Variants in RASSF8 observed in about 807,000 individuals in gnomAD.
The protein encoded by RASSF8 is ras association domain-containing protein 8.
A neutral mutation model predicts 48.5 loss-of-function variants in RASSF8; 22 were observed. The ratio of observed to expected loss-of-function variants is 0.45; its 90% CI spans 0.32 to 0.65. The LOEUF (loss-of-function observed/expected upper bound fraction) is 0.65. RASSF8 is among the 30% of genes least tolerant of loss of function. The pLI, the probability that RASSF8 is intolerant of heterozygous loss-of-function variation, is 0.03. For synonymous variants in RASSF8, 127 were observed against 171.5 expected (o/e 0.74, Z 2.03); for missense variants, 418 against 489.2 (o/e 0.85, Z 1.37).
intron 2 of RASSF8, among the ~76,000 whole-genome samples, chr12:26,011,278 T>A (rs528983431): frequency 7.7e-6 from 1 of 130,380 alleles, no homozygotes; most frequent in Admixed American, 7.2e-5. Flanking sequence ...GAAATCCCCA[T>A]TGAAAATAGT....
intron 1 of RASSF8, among the ~76,000 whole-genome samples, chr12:25,986,125 A>G (rs16929830): frequency 0.066 from 9,995 of 152,128 alleles, 713 homozygotes; most frequent in East Asian, 0.27. Context: ...CCTCAGTCTT[A>G]AAGGGGTGAG....
rs1189595932 is a variant in RASSF8 at position 26,069,331 on chromosome 12, G to T, written c.*513G>T. On this transcript the variant is annotated 3_prime_UTR_variant, in exon 6 of 6. Transcript: ENST00000689635. The stretch of plus-strand genomic sequence containing the variant: ...ATTTACACTACACAAGTGTCCTAGG[G>T]TGCTCCACCATCGAAGCTAACTCCA... 4.1e-6 allele frequency: 4 copies of T among 984,504 alleles called. No individual in the cohort carries two copies. In the East Asian group the frequency reaches 3.4e-4, roughly 84 times the overall value. 61.0% of individuals were successfully genotyped at this position (984,504 alleles called of 1,614,324 possible).
chr12:26,018,518 T>A (rs16929910), intron 2 of RASSF8, among the ~76,000 whole-genome samples: 1 of 152,130 alleles, frequency 6.6e-6, no homozygotes, highest in Non-Finnish European at 1.5e-5. Flanking sequence ...TTAGTAACCA[T>A]AGAATGTGAT....
rs143105909 is a variant in RASSF8 at position 26,064,464 on chromosome 12, A to G, written c.104-34A>G. ...CCATTTTTTAACTATTACATATCCC[A>G]TTTTGACAAGTTATTCTTACCTTTT... On this transcript the variant is annotated intron_variant, in intron 3 of 5. Coordinates refer to ENST00000689635, the MANE Select transcript of RASSF8 (RefSeq NM_001394098.1). 2.5e-3 allele frequency: 3,772 copies of G among 1,492,370 alleles called. 88 individuals carry two copies. The African/African-American group carries it at 0.048, about 19-fold the overall frequency. The allele number at this position is 1,492,370 out of a possible 1,614,324, so 92.4% of individuals were successfully genotyped here. A position where few individuals can be genotyped will look rare whatever the true frequency, so the allele number is the denominator to read the frequency against.
intron 5 of RASSF8, 136 bp downstream of exon 5, chr12:26,067,849 T>G (rs535610501): frequency 8.5e-7 from 1 of 1,173,254 alleles, no homozygotes; most frequent in Admixed American, 2.4e-5. Context: ...TACTGCAGCC[T>G]CGACCTCCTG....
chr12:26,012,444 C>CT (rs1293923036), intron 2 of RASSF8, among the ~76,000 whole-genome samples: 3 of 152,208 alleles, frequency 2.0e-5, no homozygotes, highest in Middle Eastern at 3.4e-3. Context: ...ATTATTTAGC[C>CT]TTTTTTCAGT....
chr12:26,011,368 A>C (rs889087177), intron 2 of RASSF8, among the ~76,000 whole-genome samples: 9 of 152,168 alleles, frequency 5.9e-5, no homozygotes, highest in African/African-American at 2.2e-4. Flanking sequence ...GATTAGCCAG[A>C]TGCTTCCCAG....
At chr12:26,078,647 T>A (rs7304177) in intron 5 of RASSF8, among the ~76,000 whole-genome samples, 3,743 of 152,266 alleles carry the variant, frequency 0.025, 155 homozygotes, top group African/African-American at 0.085. Context: ...TCTTCCCAAA[T>A]TAAAATTAAA....
chr12:25,968,733 C>A (rs1391002172), intron 1 of RASSF8, among the ~76,000 whole-genome samples: 2 of 152,194 alleles, frequency 1.3e-5, no homozygotes, highest in Non-Finnish European at 2.9e-5. Flanking sequence ...ACACACAAAG[C>A]TCCTGTTTGC....
At chr12:25,974,441 T>G (rs1941557363) in intron 1 of RASSF8, among the ~76,000 whole-genome samples, 1 of 152,050 alleles carries the variant, frequency 6.6e-6, no homozygotes, top group African/African-American at 2.4e-5. Context: ...GATGGCTAGG[T>G]TTTTTGTTTA....
At chr12:26,008,455 A>G (rs1405813249) in intron 2 of RASSF8, among the ~76,000 whole-genome samples, 1 of 152,194 alleles carries the variant, frequency 6.6e-6, no homozygotes, top group Non-Finnish European at 1.5e-5. Context: ...AGTGGGAATT[A>G]TGTAAGGGAT....
intron 2 of RASSF8, chr12:26,053,137 G>A (rs547545923): frequency 2.6e-5 from 4 of 151,150 alleles, no homozygotes; most frequent in South Asian, 2.1e-4. Context: ...ACTGTATCAT[G>A]TACTTAAAAA....
chr12:26,075,572 A>G (rs1301057425), downstream of RASSF8, among the ~76,000 whole-genome samples: 2 of 152,178 alleles, frequency 1.3e-5, no homozygotes, highest in Non-Finnish European at 2.9e-5. Flanking sequence ...TTTATCTGCC[A>G]TGTGTTTGTG....
At chr12:25,978,508 G>A (rs1054238627) in intron 1 of RASSF8, among the ~76,000 whole-genome samples, 1 of 152,184 alleles carries the variant, frequency 6.6e-6, no homozygotes, top group African/African-American at 2.4e-5. Context: ...TTAGACAGAA[G>A]CATGTGCTTG....
At chr12:26,002,000 G>C (rs569831320) in intron 2 of RASSF8, among the ~76,000 whole-genome samples, 1 of 152,356 alleles carries the variant, frequency 6.6e-6, no homozygotes, top group African/African-American at 2.4e-5. Flanking sequence ...ACAATGCTAT[G>C]ATGGCTACGC....
In RASSF8 at chr12:26,065,031, A is replaced by G; in HGVS notation, c.637A>G (p.Ile213Val). The change falls in exon 4 of 6, where the codon ATC becomes GTC. Residue 213 changes from isoleucine to valine, a missense_variant. Coordinates refer to ENST00000689635, the MANE Select transcript of RASSF8 (RefSeq NM_001394098.1). Reference sequence around the variant, plus strand: ...GGAAATTGTCCGTCTAGAGCAAAAGATCAAAAGAAACGATGTAGAAATTGA... The same window carrying G: ...GGAAATTGTCCGTCTAGAGCAAAAGGTCAAAAGAAACGATGTAGAAATTGA... ...EEEIVRLEQKIKRNDVEIEEE... is the reference protein window; with the variant it reads ...EEEIVRLEQKVKRNDVEIEEE... The G allele has an allele frequency of 2.5e-6, 4 of 1,613,592 alleles. No individual in the cohort carries two copies. Among genetic ancestry groups the G allele is most frequent in the Non-Finnish European group, 1.7e-6 (2 of 1,179,834 alleles).
chr12:26,073,458 C>T (rs926552550), downstream of RASSF8, among the ~76,000 whole-genome samples: 12 of 152,156 alleles, frequency 7.9e-5, no homozygotes, highest in South Asian at 2.1e-4. Flanking sequence ...ACATGAGGGC[C>T]GGGCGCAGTG....
chr12:25,971,286 G>A (rs1395509650), intron 1 of RASSF8, among the ~76,000 whole-genome samples: 3 of 152,120 alleles, frequency 2.0e-5, no homozygotes, highest in South Asian at 2.1e-4. Flanking sequence ...AATGATTTTC[G>A]TGGGGCCCTG....
chr12:26,061,971 A>G (rs1943753759), intron 3 of RASSF8, among the ~76,000 whole-genome samples: 1 of 152,218 alleles, frequency 6.6e-6, no homozygotes, highest in Non-Finnish European at 1.5e-5. Flanking sequence ...GGGTAGCAGT[A>G]CCAGTAAGCA....
Sources: gnomAD v4.1 joint callset for allele counts (sites outside exome capture counted in the v4.1 genomes callset) on GRCh38, gnomAD v4.1.1 for gene constraint, MANE v1.5 for transcripts, NCBI Gene and HGNC (gene_info 2026-07-23, HGNC 2026-07-21) for gene names.